Variants in FRMD4A observed in about 807,000 individuals in gnomAD.
FRMD4A encodes FERM domain-containing protein 4A.
A neutral mutation model predicts 129.1 loss-of-function variants in FRMD4A; 29 were observed. The ratio of observed to expected loss-of-function variants is 0.22; its 90% confidence interval spans 0.17 to 0.31. FRMD4A has a LOEUF of 0.31. Among genes scored for constraint, FRMD4A ranks in the 10% least tolerant of loss-of-function variants. The pLI, the probability that FRMD4A is intolerant of heterozygous loss-of-function variation, is 1.00. For synonymous variants in FRMD4A, 634 were observed against 571.6 expected, an observed-to-expected ratio of 1.11 and a Z score of -1.56; for missense variants, 1,272 against 1,375.8, an observed-to-expected ratio of 0.92 and a Z score of 1.19.
In FRMD4A at chr10:13,828,733, T is replaced by C. The variant is rs530887380; in HGVS notation, c.112-17825A>G. On this transcript the variant is annotated intron_variant, in intron 3 of 24. Transcript: ENST00000357447. ...TTTTAGTAGAGACAGGGTTTCTCCA[T>C]GTTGGTCAGGCTGCTCTTGAACTTC... Among the ~76,000 whole-genome samples, 86 of 152,280 alleles carry C rather than the reference T, an allele frequency of 5.6e-4. No individual in the cohort carries two copies. The Middle Eastern group carries it at 0.024, about 42-fold the overall frequency.
intron 2 of FRMD4A, among the ~76,000 whole-genome samples, chr10:14,052,374 G>A (rs1252884096): frequency 2.0e-5 from 3 of 152,212 alleles, no homozygotes; most frequent in Admixed American, 6.5e-5. Context: ...ACCTGAAGCT[G>A]GGTAATTTAT....
intron 2 of FRMD4A, among the ~76,000 whole-genome samples, chr10:14,065,498 T>C (rs1284741645): frequency 6.6e-6 from 1 of 152,138 alleles, no homozygotes; most frequent in Admixed American, 6.5e-5. Flanking sequence ...AGTGGAACTT[T>C]GTCTTTCCAG....
At chr10:13,655,792 A>ATGTT (rs1345073978) in intron 22 of FRMD4A, 2 of 152,078 alleles carry the variant, frequency 1.3e-5, no homozygotes, top group African/African-American at 4.8e-5. Flanking sequence ...TATTCTTATG[A>ATGTT]TGTTTACCAT....
chr10:13,979,534 T>G (rs1160057656), intron 2 of FRMD4A, among the ~76,000 whole-genome samples: 2 of 152,196 alleles, frequency 1.3e-5, no homozygotes. Context: ...CTTTCAGATA[T>G]GAAGGAGGTG....
At chr10:13,894,677 T>G (rs2094738126) in intron 2 of FRMD4A, among the ~76,000 whole-genome samples, 1 of 152,226 alleles carries the variant, frequency 6.6e-6, no homozygotes, top group South Asian at 2.1e-4. Flanking sequence ...CCCCACTCTT[T>G]GGGTAGCTGG....
At chr10:13,941,451 C>T (rs1351138801) in intron 2 of FRMD4A, among the ~76,000 whole-genome samples, 2 of 152,184 alleles carry the variant, frequency 1.3e-5, no homozygotes, top group Non-Finnish European at 2.9e-5. Context: ...CGGACTAATA[C>T]AGTGTGTATG....
At chr10:14,061,789 A>G (rs979607680) in intron 2 of FRMD4A, among the ~76,000 whole-genome samples, 2 of 152,224 alleles carry the variant, frequency 1.3e-5, no homozygotes, top group Non-Finnish European at 2.9e-5. Context: ...CTATGACACC[A>G]CTTAGTGACC....
At chr10:13,880,698 G>T (rs1434995708) in intron 2 of FRMD4A, among the ~76,000 whole-genome samples, 5 of 151,990 alleles carry the variant, frequency 3.3e-5, no homozygotes. Flanking sequence ...TCTGCCCTCT[G>T]CTTGGAATAC....
chr10:14,167,469 A>T (rs1841243792), intron 2 of FRMD4A, among the ~76,000 whole-genome samples: 1 of 144,478 alleles, frequency 6.9e-6, no homozygotes, highest in Non-Finnish European at 1.5e-5. Context: ...GTCAGGAGGC[A>T]GAAGTTGCAG....
chr10:14,023,682 T>G (rs891854859), intron 2 of FRMD4A, among the ~76,000 whole-genome samples: 11 of 151,890 alleles, frequency 7.2e-5, no homozygotes, highest in Admixed American at 5.9e-4. Flanking sequence ...GTGGTTGGTT[T>G]AAGATAGAAA....
intron 2 of FRMD4A, among the ~76,000 whole-genome samples, chr10:14,103,218 A>T (rs1319846313): frequency 2.0e-5 from 3 of 152,366 alleles, no homozygotes; most frequent in East Asian, 3.9e-4. Context: ...GTAAGAAAAC[A>T]TTCATTTTAA....
intron 3 of FRMD4A, among the ~76,000 whole-genome samples, chr10:13,857,854 A>T (rs1003382548): frequency 1.3e-5 from 2 of 152,234 alleles, no homozygotes; most frequent in Non-Finnish European, 2.9e-5. Flanking sequence ...TTTTAAAGTC[A>T]GAGTTGGAGA....
intron 2 of FRMD4A, among the ~76,000 whole-genome samples, chr10:14,267,439 T>C (rs551443315): frequency 6.6e-6 from 1 of 152,336 alleles, no homozygotes; most frequent in African/African-American, 2.4e-5. Context: ...TAACCTGTCA[T>C]GTCAAGGAGA....
At chr10:14,085,459 GGTACT>G (rs1326643969) in intron 2 of FRMD4A, among the ~76,000 whole-genome samples, 1 of 152,166 alleles carries the variant, frequency 6.6e-6, no homozygotes, top group African/African-American at 2.4e-5. Context: ...CCACAGCTTT[GGTACT>G]GTCACTCCAC....
rs1564971293 is a variant in FRMD4A, at chr10:13,884,178, A to ACT, written c.46-25267_46-25266insAG. ...CTCTCACACACACACTCACACACTC[A>ACT]CACACACACACACACACTCACACAC... On this transcript the variant is annotated intron_variant, in intron 2 of 24. Transcript: ENST00000357447. 2.7e-3 allele frequency among the ~76,000 whole-genome samples: 276 copies of ACT among 101,108 alleles called. 4 individuals carry two copies. The highest frequency in any genetic ancestry group is 9.8e-3 in the African/African-American group (241 of 24,540). The allele number at this position is 101,108 out of a possible 152,430, so 66.3% of individuals were successfully genotyped here. A position where few individuals can be genotyped will look rare whatever the true frequency, so the allele number is the denominator to read the frequency against.
At chr10:14,180,479 C>T (rs993863241) in intron 2 of FRMD4A, among the ~76,000 whole-genome samples, 1 of 152,156 alleles carries the variant, frequency 6.6e-6, no homozygotes, top group African/African-American at 2.4e-5. Flanking sequence ...CTGATTCCAA[C>T]GGGAGGATAA....
At chr10:14,205,919 T>C (rs188987879) in intron 2 of FRMD4A, among the ~76,000 whole-genome samples, 1 of 151,840 alleles carries the variant, frequency 6.6e-6, no homozygotes, top group Non-Finnish European at 1.5e-5. Context: ...TAAAGTAGCC[T>C]CTCAAGGTCC....
chr10:13,890,566 C>A (rs961247986), intron 2 of FRMD4A: 1 of 984,132 alleles, frequency 1.0e-6, no homozygotes, highest in African/African-American at 1.7e-5. Context: ...GCTGTCACCA[C>A]TGACCAGCTC....
intron 2 of FRMD4A, among the ~76,000 whole-genome samples, chr10:14,162,000 A>G (rs1589105476): frequency 6.6e-6 from 1 of 150,956 alleles, no homozygotes; most frequent in African/African-American, 2.4e-5. Context: ...TTTATATTAA[A>G]TTACTTTAAG....
Sources: gnomAD v4.1 joint callset for allele counts (sites outside exome capture counted in the v4.1 genomes callset) on GRCh38, gnomAD v4.1.1 for gene constraint, MANE v1.5 for transcripts, NCBI Gene and HGNC (gene_info 2026-07-23, HGNC 2026-07-21) for gene names.